PARD3B: variants seen among roughly 807,000 people sequenced by gnomAD.
PARD3B encodes the protein par-3 family cell polarity regulator beta, also known as partitioning defective 3 homolog B.
A neutral mutation model predicts 130.2 loss-of-function variants in PARD3B; 103 were observed. The observed-to-expected ratio is 0.79, with a 90% CI of 0.67 to 0.93. The LOEUF is 0.93. PARD3B is among the 40% of genes least tolerant of loss of function. The pLI is 0.00. For missense variants in PARD3B, 1,609 were observed against 1,499.2 expected (o/e 1.07, Z -1.21); for synonymous variants, 583 against 553.2 (o/e 1.05, Z -0.76).
At position 205,125,519 on chromosome 2, in the gene PARD3B, C is replaced by T; in HGVS notation, c.1306-90C>T. 7.1e-7 allele frequency: 1 copy of T among 1,414,874 alleles called. No homozygotes were observed. The highest frequency in any genetic ancestry group is 9.6e-7 in the Non-Finnish European group (1 of 1,039,250). 87.6% of individuals were successfully genotyped at this position (1,414,874 alleles called of 1,614,324 possible). A position where few individuals can be genotyped will look rare whatever the true frequency, so the allele number is the denominator to read the frequency against. Reference sequence around the variant, plus strand: ...TCAGAGCTTCCTCAAGTATGGGAGCCCATTTGCTTCTTGTTTTCAAAAACT... The same window carrying T: ...TCAGAGCTTCCTCAAGTATGGGAGCTCATTTGCTTCTTGTTTTCAAAAACT... On this transcript the variant is annotated intron_variant, in intron 9 of 22. Transcript: ENST00000406610. The surrounding 1 kb of genome is among the most constrained non-coding windows in gnomAD (Gnocchi z 4.0).
At chr2:205,056,044 G>A (rs1232339714) in intron 4 of PARD3B, among the ~76,000 whole-genome samples, 1 of 152,066 alleles carries the variant, frequency 6.6e-6, no homozygotes, top group Non-Finnish European at 1.5e-5. Flanking sequence ...ACTTCTGTAT[G>A]TACCTTCCAA....
intron 4 of PARD3B, among the ~76,000 whole-genome samples, chr2:205,064,760 G>A (rs1031218314): frequency 6.6e-6 from 1 of 152,156 alleles, no homozygotes; most frequent in Non-Finnish European, 1.5e-5. Flanking sequence ...GCTTGATGTG[G>A]ACTTTAAAGA....
chr2:205,413,342 T>C (rs1232346574), intron 19 of PARD3B, among the ~76,000 whole-genome samples: 1 of 152,164 alleles, frequency 6.6e-6, no homozygotes, highest in African/African-American at 2.4e-5. Flanking sequence ...CTTCTCTCCC[T>C]TACTACCTCA....
rs553511502 is a variant in PARD3B at position 204,936,405 on chromosome 2, C to T, written c.223-28747C>T. Reference sequence around the variant, plus strand: ...ATTGTTGATCAATCTATTAACATGCCGGCTTATCATCTTTCTCCCTTCTCA... The same window carrying T: ...ATTGTTGATCAATCTATTAACATGCTGGCTTATCATCTTTCTCCCTTCTCA... On this transcript the variant is annotated intron_variant, in intron 2 of 22. Coordinates refer to ENST00000406610, the MANE Select transcript of PARD3B (RefSeq NM_001302769.2). 8.5e-5 allele frequency among the ~76,000 whole-genome samples: 13 copies of T among 152,234 alleles called. No homozygotes were observed. In the South Asian group the frequency reaches 1.0e-3, roughly 12 times the overall value.
chr2:205,247,421 A>G (rs1161492023), intron 16 of PARD3B, among the ~76,000 whole-genome samples: 2 of 152,216 alleles, frequency 1.3e-5, no homozygotes, highest in Non-Finnish European at 2.9e-5. Context: ...TGAAATAATA[A>G]TCTTCCAAAA....
chr2:205,524,310 T>C (rs1465013212), intron 21 of PARD3B, among the ~76,000 whole-genome samples: 2 of 152,144 alleles, frequency 1.3e-5, no homozygotes, highest in South Asian at 4.1e-4. Context: ...TCACCTTACA[T>C]CTGAAGATTT....
intron 2 of PARD3B, among the ~76,000 whole-genome samples, chr2:204,716,951 C>T (rs1025193428): frequency 6.6e-6 from 1 of 152,130 alleles, no homozygotes; most frequent in Non-Finnish European, 1.5e-5. Context: ...AACCTAATAA[C>T]GTGCTGTGGA....
chr2:205,127,756 G>A (rs2031602616), intron 10 of PARD3B, among the ~76,000 whole-genome samples: 1 of 152,182 alleles, frequency 6.6e-6, no homozygotes. Flanking sequence ...TCTGAGTCAT[G>A]CAGATATAGT....
Position 205,002,929 on chromosome 2 carries a change from C to T in PARD3B, c.394+37606C>T, listed in dbSNP as rs76594878. On this transcript the variant is annotated intron_variant, in intron 3 of 22. Coordinates refer to ENST00000406610, the MANE Select transcript of PARD3B (RefSeq NM_001302769.2). ...CCCATGTGCTGGGTGGGAGAAAACT[C>T]CTTGTAGGGCAAACACCACAAGGCT... is the stretch of plus-strand genomic sequence containing the variant. Among the ~76,000 whole-genome samples the T allele has an allele frequency of 4.3e-3, 655 of 152,312 alleles. 3 individuals carry two copies. The highest frequency in any genetic ancestry group is 0.015 in the African/African-American group (629 of 41,562).
At chr2:205,433,094 TATA>T (rs1294034680) in intron 19 of PARD3B, among the ~76,000 whole-genome samples, 6 of 152,214 alleles carry the variant, frequency 3.9e-5, no homozygotes, top group Non-Finnish European at 2.9e-5. Context: ...GTTAATTTGT[TATA>T]ATAACTGCTT....
At chr2:204,803,730 A>G (rs2042660678) in intron 2 of PARD3B, among the ~76,000 whole-genome samples, 1 of 152,200 alleles carries the variant, frequency 6.6e-6, no homozygotes, top group Non-Finnish European at 1.5e-5. Context: ...AGAGGCATGA[A>G]ATTAAAATAT....
chr2:204,760,578 C>G (rs1021477574), intron 2 of PARD3B, among the ~76,000 whole-genome samples: 7 of 151,936 alleles, frequency 4.6e-5, no homozygotes, highest in African/African-American at 1.7e-4. Context: ...GAAGTTTCAA[C>G]TTCTTGGGAA....
rs1317446528 is a variant in PARD3B at position 205,158,768 on chromosome 2, A to G, written c.1481A>G (p.Gln494Arg). The G allele has an allele frequency of 3.1e-6, 5 of 1,614,082 alleles. No individual in the cohort carries two copies. In the African/African-American group the frequency reaches 6.7e-5, roughly 22 times the overall value. ...GCACTCTCTCTGGAGACAAGCGAGC[A>G]GCTCACCTTTGAGATCCCCCTGAAT... ...CCALSLETSE[Q>R]LTFEIPLNDS... Residue 494 changes from glutamine (Q) to arginine (R), a missense_variant, in exon 11 of 23, where the codon CAG becomes CGG. Transcript: ENST00000406610. This position sits in a 1 kb window ranked among gnomAD's most constrained non-coding sequence, Gnocchi z 5.4.
chr2:204,862,783 C>T (rs757518823), intron 2 of PARD3B, among the ~76,000 whole-genome samples: 3 of 152,042 alleles, frequency 2.0e-5, no homozygotes, highest in Non-Finnish European at 2.9e-5. Context: ...TGTCACACGA[C>T]CAGGAAAGAT....
chr2:205,169,057 T>A (rs13417480), intron 11 of PARD3B, among the ~76,000 whole-genome samples: 1 of 152,110 alleles, frequency 6.6e-6, no homozygotes, highest in South Asian at 2.1e-4. Context: ...AGAGGTTGGA[T>A]GAGATGACCT....
At chr2:204,794,953 G>A (rs2125485354) in intron 2 of PARD3B, among the ~76,000 whole-genome samples, 1 of 152,136 alleles carries the variant, frequency 6.6e-6, no homozygotes, top group African/African-American at 2.4e-5. Flanking sequence ...AGCTGTTTAT[G>A]TTTGAGAATA....
At chr2:205,599,932 C>T (rs914444706) in intron 22 of PARD3B, among the ~76,000 whole-genome samples, 14 of 152,132 alleles carry the variant, frequency 9.2e-5, no homozygotes, top group Admixed American at 2.6e-4. Flanking sequence ...TACAGTATTA[C>T]CATGCTTTCA....
intron 4 of PARD3B, among the ~76,000 whole-genome samples, chr2:205,095,458 T>C (rs1285719979): frequency 6.6e-6 from 1 of 152,164 alleles, no homozygotes; most frequent in Admixed American, 6.6e-5. Context: ...TCTGAAGATT[T>C]TAAAGCAGCC....
At chr2:205,238,849 A>AAAAAAAAAAAT (rs1273582854) in intron 15 of PARD3B, among the ~76,000 whole-genome samples, 2 of 76,904 alleles carry the variant, frequency 2.6e-5, no homozygotes, top group Non-Finnish European at 4.6e-5. Flanking sequence ...AAAAAAAAAA[A>AAAAAAAAAAAT]ATATATATAT....
Sources: gnomAD v4.1 joint callset for allele counts (sites outside exome capture counted in the v4.1 genomes callset) on GRCh38, gnomAD v4.1.1 for gene constraint, Gnocchi (gnomAD v3.1) non-coding constraint, MANE v1.5 for transcripts, NCBI Gene and HGNC (gene_info 2026-07-23, HGNC 2026-07-21) for gene names.